ZNF75A: variants seen among roughly 807,000 people sequenced by gnomAD.
ZNF75A encodes the protein zinc finger protein 75A.
ZNF75A carries 36 observed loss-of-function variants against 46.3 expected under a neutral mutation model. That is an observed-to-expected ratio of 0.78 (90% CI 0.60 to 1.03). ZNF75A has a LOEUF of 1.03. Ranked by LOEUF, ZNF75A falls within the 50% of genes least tolerant of loss-of-function variation. ZNF75A has a pLI of 0.00. For missense variants in ZNF75A, 595 were observed against 551.3 expected, an observed-to-expected ratio of 1.08 and a Z score of -0.79; for synonymous variants, 234 against 189.9, an observed-to-expected ratio of 1.23 and a Z score of -1.91.
intron 3 of ZNF75A, 87 bp from the exon 4 acceptor site, chr16:3,312,590 C>T (rs1279503199): frequency 6.4e-6 from 3 of 469,428 alleles, no homozygotes. Flanking sequence ...CCCATCTGTA[C>T]TTAAAAAGTC....
At chr16:3,321,991 G>C (rs1380285800), downstream of ZNF75A, among the ~76,000 whole-genome samples, 2 of 152,140 alleles carry the variant, frequency 1.3e-5, no homozygotes, top group Non-Finnish European at 2.9e-5. Flanking sequence ...AATATTTGTT[G>C]AGTCATGCCA....
chr16:3,317,746 G>A lies in ZNF75A; in HGVS notation c.1491G>A (p.Gln497=). 6.2e-7 allele frequency: 1 copy of A among 1,614,162 alleles called. No homozygotes were observed. The highest frequency in any genetic ancestry group is 1.1e-5 in the South Asian group (1 of 91,076). Residue 497 remains glutamine, a synonymous_variant, in exon 7 of 7, where the codon CAG becomes CAA. Transcript: ENST00000669516. The part of the protein sequence containing the change: ...TCHECGKKFS[Q]NSHLIKHRRT... ...ATGAATGTGGAAAAAAATTCAGTCA[G>A]AACTCCCACCTTATTAAACACCGGA...
chr16:3,322,804 C>G (rs538775811), downstream of ZNF75A: 5 of 594,128 alleles, frequency 8.4e-6, no homozygotes, highest in African/African-American at 1.0e-4. Flanking sequence ...AAACAAGGAC[C>G]CAGGAATCTC....
rs1304807877 is a variant in ZNF75A, at chr16:3,316,980, G to A, written c.892G>A (p.Val298Ile). The A allele has an allele frequency of 8.1e-6, 13 of 1,614,076 alleles. No homozygotes were observed. The highest frequency in any genetic ancestry group is 1.1e-5 in the Non-Finnish European group (13 of 1,179,994). ...LEQGEEPWVQVSPEFKDSAGK... is the reference protein window; with the variant it reads ...LEQGEEPWVQISPEFKDSAGK... ...GCAAGGGGAAGAGCCATGGGTTCAA[G>A]TATCCCCGGAGTTTAAGGATAGTGC... The change falls in exon 6 of 7, where the codon GTA (valine) becomes ATA (isoleucine). Residue 298 changes from valine to isoleucine, a missense_variant. By Grantham distance (29) the Val-to-Ile change is conservative. Coordinates refer to ENST00000669516, the MANE Select transcript of ZNF75A (RefSeq NM_001302109.2).
At chr16:3,319,599 A>C (rs1961448490), downstream of ZNF75A, among the ~76,000 whole-genome samples, 1 of 152,170 alleles carries the variant, frequency 6.6e-6, no homozygotes, top group Admixed American at 6.5e-5. Context: ...TGTGTCAGGC[A>C]CTGTCCTATA....
In ZNF75A at chr16:3,317,606, A is replaced by G; in HGVS notation, c.1351A>G (p.Thr451Ala). ...TTCAGATCTTAATAAGCACTTAACAACACACCAAGGAATAAAACCATATAA... is the reference window on the plus strand; with the variant it reads ...TTCAGATCTTAATAAGCACTTAACAGCACACCAAGGAATAAAACCATATAA... ...WSSDLNKHLT[T>A]HQGIKPYKCS... Residue 451 changes from threonine (T) to alanine (A), a missense_variant, in exon 7 of 7, where the codon ACA (threonine) becomes GCA (alanine). Transcript: ENST00000669516. 6.2e-7 allele frequency: 1 copy of G among 1,614,202 alleles called. No homozygotes were observed. The highest frequency in any genetic ancestry group is 8.5e-7 in the Non-Finnish European group (1 of 1,180,028).
At chr16:3,321,378 T>A (rs1200912311), downstream of ZNF75A, among the ~76,000 whole-genome samples, 3 of 152,156 alleles carry the variant, frequency 2.0e-5, no homozygotes, top group Non-Finnish European at 4.4e-5. Context: ...CCCCGTCTAG[T>A]CTCCTGACCT....
At chr16:3,314,619 C>T in intron 5 of ZNF75A, 1 of 974,588 alleles carries the variant, frequency 1.0e-6, no homozygotes, top group Non-Finnish European at 1.2e-6. Context: ...CCGTGGGCCC[C>T]CGCCTTTTTT....
chr16:3,313,269 G>A (rs1451954958), intron 5 of ZNF75A, 94 bp downstream of exon 5: 2 of 1,338,150 alleles, frequency 1.5e-6, no homozygotes, highest in African/African-American at 1.5e-5. Flanking sequence ...TGTTCCAGGA[G>A]CTGGTTGATT....
Position 3,317,036 on chromosome 16 carries a change from G to A in ZNF75A, c.934+14G>A, listed in dbSNP as rs1961264952. 1 of 1,603,144 alleles carries A rather than the reference G, an allele frequency of 6.2e-7. No homozygotes were observed. Among genetic ancestry groups the A allele is most frequent in the South Asian group, 1.1e-5 (1 of 90,032 alleles). On this transcript the variant is annotated intron_variant, in intron 6 of 6. Coordinates refer to ENST00000669516, the MANE Select transcript of ZNF75A (RefSeq NM_001302109.2). ...AATCTCCTACAGGTAAATATACCAT[G>A]GGAAGTGGAGAAATGTGCCTTGATG...
intron 5 of ZNF75A, among the ~76,000 whole-genome samples, chr16:3,315,693 T>A (rs1961156424): frequency 2.0e-5 from 3 of 152,236 alleles, no homozygotes; most frequent in Admixed American, 2.0e-4. Flanking sequence ...CTGCCTTCGC[T>A]CTTGTCCTCC....
rs1596394197 is a variant in ZNF75A, at chr16:3,311,842, A to G, written c.498A>G (p.Gln166=). The change falls in exon 3 of 7, where the codon CAA becomes CAG. Residue 166 remains glutamine (Q), a synonymous_variant. Coordinates refer to ENST00000669516, the MANE Select transcript of ZNF75A (RefSeq NM_001302109.2). ...SSFGLKPTES[Q]PVGVSQDEEF... is the part of the protein sequence containing the mutation. ...TCGGGCTGAAGCCAACAGAGTCCCAACCAGTGGGCGTATCCCAAGATGAAG... is the reference window on the plus strand; with the variant it reads ...TCGGGCTGAAGCCAACAGAGTCCCAGCCAGTGGGCGTATCCCAAGATGAAG... 1.1e-5 allele frequency: 11 copies of G among 1,043,712 alleles called. No individual in the cohort carries two copies. Among genetic ancestry groups the G allele is most frequent in the Admixed American group, 4.1e-5 (1 of 24,392 alleles). 64.7% of individuals were successfully genotyped at this position (1,043,712 alleles called of 1,614,324 possible).
chr16:3,314,986 A>G, intron 5 of ZNF75A: 1 of 985,276 alleles, frequency 1.0e-6, no homozygotes, highest in Non-Finnish European at 1.2e-6. Context: ...ATTCTCAACT[A>G]GATAGTGTAG....
downstream of ZNF75A, among the ~76,000 whole-genome samples, chr16:3,321,458 G>A (rs930467155): frequency 3.9e-5 from 6 of 152,138 alleles, no homozygotes; most frequent in African/African-American, 1.4e-4. Flanking sequence ...CCGTTAAGCA[G>A]ACTGGACCTT....
chr16:3,316,967 G>A lies in ZNF75A; in HGVS notation c.879G>A (p.Glu293=). 6.2e-7 allele frequency: 1 copy of A among 1,614,082 alleles called. No individual in the cohort carries two copies. Among genetic ancestry groups the A allele is most frequent in the South Asian group, 1.1e-5 (1 of 91,076 alleles). ...KVISCLEQGE[E]PWVQVSPEFK... Reference sequence around the variant, plus strand: ...TCTCCTGTCTAGAGCAAGGGGAAGAGCCATGGGTTCAAGTATCCCCGGAGT... The same window carrying A: ...TCTCCTGTCTAGAGCAAGGGGAAGAACCATGGGTTCAAGTATCCCCGGAGT... The change falls in exon 6 of 7, where the codon GAG becomes GAA. Residue 293 remains glutamate, a synonymous_variant. Transcript: ENST00000669516.
rs976647797 is a variant in ZNF75A, at chr16:3,308,647, T to G, written c.219T>G (p.Cys73Trp). The G allele has an allele frequency of 1.0e-6, 1 of 987,540 alleles. No homozygotes were observed. The highest frequency in any genetic ancestry group is 5.2e-4 in the Middle Eastern group (1 of 1,918). 61.2% of individuals were successfully genotyped at this position (987,540 alleles called of 1,614,324 possible). A position where few individuals can be genotyped will look rare whatever the true frequency, so the allele number is the denominator to read the frequency against. Residue 73 changes from cysteine (C) to tryptophan (W), a missense_variant, in exon 2 of 7, where the codon TGT (cysteine) becomes TGG (tryptophan). Transcript: ENST00000669516. ...CTGTCAGCAAACTTCAAGAATTATG[T>G]CATCTATGGCTGAAGCCAGAGATCC... ...REAVSKLQEL[C>W]HLWLKPEIHS...
intron 4 of ZNF75A, 52 bp downstream of exon 4, chr16:3,312,820 T>G: frequency 8.4e-7 from 1 of 1,184,446 alleles, no homozygotes; most frequent in Non-Finnish European, 1.1e-6. Context: ...CTATGTATGA[T>G]TAATACTGTC....
At chr16:3,320,769 T>C (rs1294144291), downstream of ZNF75A, among the ~76,000 whole-genome samples, 1 of 152,228 alleles carries the variant, frequency 6.6e-6, no homozygotes, top group South Asian at 2.1e-4. Flanking sequence ...GAATGGTTTG[T>C]TAACTACCTC....
intron 1 of ZNF75A, chr16:3,306,989 C>A (rs916277979): frequency 2.7e-5 from 4 of 148,326 alleles, no homozygotes; most frequent in African/African-American, 1.0e-4. Flanking sequence ...TCTCGTTTTG[C>A]TGCCCTGGCT....
Sources: gnomAD v4.1 joint callset for allele counts (sites outside exome capture counted in the v4.1 genomes callset) on GRCh38, gnomAD v4.1.1 for gene constraint, MANE v1.5 for transcripts, NCBI Gene and HGNC (gene_info 2026-07-23, HGNC 2026-07-21) for gene names.